PSPC1: variants seen among roughly 807,000 people sequenced by gnomAD.
PSPC1 encodes paraspeckle protein 1.
A neutral mutation model predicts 51.6 loss-of-function variants in PSPC1; 14 were observed. The observed-to-expected ratio is 0.27, with a 90% CI of 0.18 to 0.42. PSPC1 has a LOEUF of 0.42. Ranked by LOEUF, PSPC1 falls within the 10% of genes least tolerant of loss-of-function variation. PSPC1 has a pLI of 1.00. For missense variants in PSPC1, 406 were observed against 701.1 expected (o/e 0.58, Z 4.75); for synonymous variants, 193 against 231.9 (o/e 0.83, Z 1.53).
chr13:19,766,341 G>A (rs368709616), intron 2 of PSPC1, among the ~76,000 whole-genome samples: 10 of 152,148 alleles, frequency 6.6e-5, no homozygotes, highest in African/African-American at 2.4e-4. Flanking sequence ...CCACAGAACT[G>A]CACCCTGAGT....
chr13:19,772,606 T>C, intron 1 of PSPC1, 63 bp from the exon 2 acceptor site: 1 of 1,496,112 alleles, frequency 6.7e-7, no homozygotes, highest in Non-Finnish European at 9.0e-7. Context: ...AAAACAGTGT[T>C]TGGCTTCTAG....
At chr13:19,708,472 T>C (rs1263479345) in intron 7 of PSPC1, among the ~76,000 whole-genome samples, 1 of 152,212 alleles carries the variant, frequency 6.6e-6, no homozygotes, top group Non-Finnish European at 1.5e-5. Flanking sequence ...TTTAAATGTA[T>C]GACATTTCAA....
At chr13:19,747,206 T>C (rs189009993) in intron 4 of PSPC1, among the ~76,000 whole-genome samples, 70 of 152,258 alleles carry the variant, frequency 4.6e-4, no homozygotes, top group Admixed American at 2.1e-3. Context: ...AAAAGAGAAA[T>C]TGTTATCGAA....
At chr13:19,718,868 T>A (rs555979799) in intron 6 of PSPC1, among the ~76,000 whole-genome samples, 3 of 152,376 alleles carry the variant, frequency 2.0e-5, no homozygotes, top group African/African-American at 7.2e-5. Flanking sequence ...TAGAAGCCAA[T>A]CTGAAGAGGC....
intron 7 of PSPC1, among the ~76,000 whole-genome samples, chr13:19,707,423 C>T (rs191055302): frequency 1.0e-3 from 157 of 152,314 alleles, no homozygotes; most frequent in Non-Finnish European, 1.8e-3. Context: ...TGGTTATACA[C>T]ACTAGTGATA....
intron 6 of PSPC1, among the ~76,000 whole-genome samples, chr13:19,697,186 G>A (rs1040093505): frequency 9.9e-5 from 15 of 152,122 alleles, no homozygotes; most frequent in African/African-American, 3.6e-4. Flanking sequence ...CAGTAGCAGC[G>A]TCATCACATA....
At chr13:19,771,230 C>G (rs771897375) in intron 2 of PSPC1, among the ~76,000 whole-genome samples, 1 of 152,086 alleles carries the variant, frequency 6.6e-6, no homozygotes, top group Non-Finnish European at 1.5e-5. Context: ...CTCCGCCCCC[C>G]GGGTTCAACC....
At position 19,767,207 on chromosome 13, in the gene PSPC1, T is replaced by C. The variant is rs117198697; in HGVS notation, c.674+5035A>G. 4.5e-3 allele frequency among the ~76,000 whole-genome samples: 691 copies of C among 152,048 alleles called. 5 individuals carry two copies. The highest frequency in any genetic ancestry group is 0.026 in the South Asian group (127 of 4,812). On this transcript the variant is annotated intron_variant, in intron 2 of 8. Transcript: ENST00000338910. ...AAATAAAATGGAAAAGCAAGATCTA[T>C]GACAATCTGAAGAAAGAGCATTCTC...
intron 6 of PSPC1, among the ~76,000 whole-genome samples, chr13:19,711,511 G>A (rs1193811581): frequency 3.3e-5 from 5 of 152,098 alleles, no homozygotes; most frequent in East Asian, 3.9e-4. Flanking sequence ...GGTGGCAGGC[G>A]CCCGTAGTCC....
At chr13:19,712,927 A>T (rs1881617160) in intron 6 of PSPC1, among the ~76,000 whole-genome samples, 1 of 152,160 alleles carries the variant, frequency 6.6e-6, no homozygotes, top group Non-Finnish European at 1.5e-5. Flanking sequence ...TCAGGCTGTT[A>T]CTTTCTAGAA....
intron 6 of PSPC1, among the ~76,000 whole-genome samples, chr13:19,715,365 T>C (rs979860566): frequency 6.6e-6 from 1 of 152,302 alleles, no homozygotes; most frequent in Middle Eastern, 3.4e-3. Flanking sequence ...ATGGTAAACA[T>C]GCCACTACTG....
downstream of PSPC1, chr13:19,672,868 G>A: frequency 2.9e-6 from 1 of 346,196 alleles, no homozygotes; most frequent in East Asian, 7.3e-5. Flanking sequence ...GGAGGCTGAG[G>A]TTGGAGGATT....
chr13:19,675,010 T>TTCAG (rs1565949057), intron 7 of PSPC1: 1 of 152,330 alleles, frequency 6.6e-6, no homozygotes, highest in Non-Finnish European at 1.5e-5. Flanking sequence ...AGGTTCAGAA[T>TTCAG]TCAGTCAAAT....
chr13:19,781,567 A>G (rs1306886674), intron 1 of PSPC1, among the ~76,000 whole-genome samples: 1 of 152,114 alleles, frequency 6.6e-6, no homozygotes, highest in African/African-American at 2.4e-5. Flanking sequence ...TGGTAGAAAA[A>G]CACTATATTA....
At position 19,703,537 on chromosome 13, in the gene PSPC1, G is replaced by C. The variant is rs556720579; in HGVS notation, c.1387-177C>G. Among the ~76,000 whole-genome samples the C allele has an allele frequency of 3.3e-5, 5 of 151,356 alleles. No homozygotes were observed. In the Middle Eastern group the frequency reaches 0.014, roughly 412 times the overall value. On this transcript the variant is annotated intron_variant, in intron 8 of 8. Coordinates refer to ENST00000338910, the MANE Select transcript of PSPC1 (RefSeq NM_001354909.2). ...AAGGAGCAATTTAATTAGTTACTAT[G>C]TTTTTTTTAAAAAAATGCAGCATCT... is the stretch of plus-strand genomic sequence containing the variant.
chr13:19,762,432 C>T (rs1353270567), intron 2 of PSPC1, among the ~76,000 whole-genome samples: 2 of 152,160 alleles, frequency 1.3e-5, no homozygotes, highest in Admixed American at 6.6e-5. Flanking sequence ...TGGTGGCACA[C>T]GCCTGTAGTC....
intron 7 of PSPC1, 118 bp downstream of exon 7, chr13:19,709,424 C>A: frequency 1.4e-6 from 1 of 696,712 alleles, no homozygotes; most frequent in Non-Finnish European, 2.4e-6. Context: ...AGAGATTTCA[C>A]CTTTAGAAAT....
exon 8 of PSPC1, chr13:19,674,891 C>T (rs1189042130): frequency 6.6e-6 from 1 of 152,236 alleles, no homozygotes; most frequent in Admixed American, 6.5e-5. Context: ...TAGACTTCCA[C>T]TGACTTGCAG....
chr13:19,730,130 T>C lies in PSPC1; in HGVS notation c.1158+109A>G, dbSNP rs1883862162. ...ACTAATTTATCAAACATGATGAATT[T>C]AGAAAGATTAGAAAAGACTACTGTA... On this transcript the variant is annotated intron_variant, in intron 6 of 8. Transcript: ENST00000338910. 3 of 794,960 alleles carry C rather than the reference T, an allele frequency of 3.8e-6. No homozygotes were observed. In the East Asian group the frequency reaches 7.5e-5, roughly 20 times the overall value. The allele number at this position is 794,960 out of a possible 1,614,324, so 49.2% of individuals were successfully genotyped here.
Sources: allele counts gnomAD v4.1 joint callset (sites outside exome capture counted in the v4.1 genomes callset), GRCh38; gene constraint gnomAD v4.1.1; transcripts MANE v1.5; gene names NCBI Gene and HGNC (gene_info 2026-07-23, HGNC 2026-07-21).